RYR2: variants seen among roughly 807,000 people sequenced by gnomAD.
RYR2 encodes cardiac muscle ryanodine receptor-calcium release channel.
Under a neutral mutation model 601.1 loss-of-function variants are expected in RYR2, and 227 were observed. That is an observed-to-expected ratio of 0.38 (90% CI 0.34 to 0.42). RYR2 has a LOEUF of 0.42. RYR2 is among the 10% of genes least tolerant of loss of function. The pLI is 1.00. For missense variants in RYR2, 4,646 were observed against 6,156.5 expected (o/e 0.75, Z 8.21); for synonymous variants, 2,223 against 2,175.1 (o/e 1.02, Z -0.61).
intron 60 of RYR2, among the ~76,000 whole-genome samples, chr1:237,675,417 C>T (rs78222358): frequency 0.025 from 3,787 of 152,200 alleles, 163 homozygotes; most frequent in African/African-American, 0.086. Flanking sequence ...AAGCAGCCTC[C>T]GGTCACTTCT....
chr1:237,739,329 C>T (rs555345137), intron 79 of RYR2, among the ~76,000 whole-genome samples: 8 of 152,178 alleles, frequency 5.3e-5, no homozygotes, highest in Non-Finnish European at 7.4e-5. Context: ...TGCATCCCAT[C>T]GGTTTGCTGT....
chr1:237,101,413 GA>G (rs1384275777), intron 1 of RYR2, among the ~76,000 whole-genome samples: 1 of 151,194 alleles, frequency 6.6e-6, no homozygotes, highest in African/African-American at 2.4e-5. Flanking sequence ...CGCAGTGGTA[GA>G]TTTTTTTTTA....
chr1:237,484,368 G>A lies in RYR2; in HGVS notation c.1709-7438G>A, dbSNP rs557961456. Among the ~76,000 whole-genome samples, 26 of 152,222 alleles carry A rather than the reference G, an allele frequency of 1.7e-4. No homozygotes were observed. In the East Asian group the frequency reaches 4.6e-3, roughly 27 times the overall value. Reference sequence around the variant, plus strand: ...CCATAGATGAGAAACAGTACCATGGGGGGTGGGGCATGGTGGTTTCTAAGT... The same window carrying A: ...CCATAGATGAGAAACAGTACCATGGAGGGTGGGGCATGGTGGTTTCTAAGT... On this transcript the variant is annotated intron_variant, in intron 17 of 104. Transcript: ENST00000366574.
intron 38 of RYR2, among the ~76,000 whole-genome samples, chr1:237,618,216 C>A (rs1418772017): frequency 6.6e-6 from 1 of 151,296 alleles, no homozygotes; most frequent in African/African-American, 2.4e-5. Flanking sequence ...AATGTAATTT[C>A]TTTGAGGAAA....
chr1:237,098,996 C>T, intron 1 of RYR2, among the ~76,000 whole-genome samples: 1 of 152,166 alleles, frequency 6.6e-6, no homozygotes, highest in East Asian at 1.9e-4. Flanking sequence ...ATGAGGAGGG[C>T]TCAGACAACC....
chr1:237,111,590 TAAAAAAAAAA>T (rs71178394), intron 1 of RYR2, among the ~76,000 whole-genome samples: 1 of 119,988 alleles, frequency 8.3e-6, no homozygotes, highest in Non-Finnish European at 1.7e-5. Flanking sequence ...TCCGTCTCTT[TAAAAAAAAAA>T]AAAAAAAAAA....
intron 1 of RYR2, among the ~76,000 whole-genome samples, chr1:237,225,491 C>T (rs937418615): frequency 2.6e-5 from 4 of 152,242 alleles, no homozygotes; most frequent in East Asian, 1.9e-4. Context: ...GAGACTTACT[C>T]GCTACCATGA....
At position 237,235,465 on chromosome 1, in the gene RYR2, C is replaced by CATAA. The variant is rs552081404; in HGVS notation, c.49-35030_49-35029insAAAT. Among the ~76,000 whole-genome samples, 11 of 152,314 alleles carry CATAA rather than the reference C, an allele frequency of 7.2e-5. No homozygotes were observed. In the South Asian group the frequency reaches 1.7e-3, roughly 23 times the overall value. ...GGTTAGTTTTATGGTTTCTGTAAAC[C>CATAA]ATGGGAATGTTTCTCAAAGTGGTTC... On this transcript the variant is annotated intron_variant, in intron 1 of 104. Transcript: ENST00000366574.
chr1:237,482,314 T>C (rs1662201897), intron 17 of RYR2, among the ~76,000 whole-genome samples: 1 of 152,142 alleles, frequency 6.6e-6, no homozygotes, highest in Admixed American at 6.6e-5. Context: ...TTCTATTTTT[T>C]TGTACCCATC....
intron 1 of RYR2, among the ~76,000 whole-genome samples, chr1:237,155,606 G>A (rs939532045): frequency 2.0e-5 from 3 of 152,160 alleles, no homozygotes; most frequent in African/African-American, 7.2e-5. Flanking sequence ...AAACTTTCAC[G>A]AAATAATGTT....
chr1:237,546,367 T>C (rs372165047), intron 25 of RYR2, among the ~76,000 whole-genome samples: 5 of 152,290 alleles, frequency 3.3e-5, no homozygotes, highest in African/African-American at 1.2e-4. Flanking sequence ...ATAGATAAAT[T>C]ACTTTTTTGT....
intron 12 of RYR2, among the ~76,000 whole-genome samples, chr1:237,439,491 A>C (rs2927926): frequency 0.1 from 15,862 of 151,942 alleles, 2,150 homozygotes; most frequent in African/African-American, 0.31. Flanking sequence ...TAAAAATACA[A>C]AAATTAGCAG....
chr1:237,732,002 A>AT (rs748897323), intron 77 of RYR2, 44 bp from the exon 78 acceptor site: 3,790 of 1,231,358 alleles, frequency 3.1e-3, no homozygotes, highest in Non-Finnish European at 3.4e-3. Context: ...TTGAGTGAAC[A>AT]TTTTTTTTTA....
At chr1:237,235,901 A>G (rs570840113) in intron 1 of RYR2, among the ~76,000 whole-genome samples, 8 of 152,324 alleles carry the variant, frequency 5.3e-5, no homozygotes, top group Admixed American at 2.6e-4. Flanking sequence ...GTTAGCATTG[A>G]AAACAAGCCT....
chr1:237,732,498 G>A lies in RYR2; in HGVS notation c.11039+349G>A, dbSNP rs1304811153. On this transcript the variant is annotated intron_variant, in intron 78 of 104. Transcript: ENST00000366574. ...CCAGTGCCGCAAGTGTATGGAGACC[G>A]ATGGTGGCCCCAAATTTTCTGGGTA... 3.9e-5 allele frequency among the ~76,000 whole-genome samples: 6 copies of A among 152,134 alleles called. No homozygotes were observed. The East Asian group carries it at 5.8e-4, about 15-fold the overall frequency.
At chr1:237,372,391 C>T (rs1469085601) in intron 6 of RYR2, among the ~76,000 whole-genome samples, 1 of 152,134 alleles carries the variant, frequency 6.6e-6, no homozygotes, top group Non-Finnish European at 1.5e-5. Context: ...AGTGTCAGAT[C>T]AATAGTGAAT....
intron 1 of RYR2, among the ~76,000 whole-genome samples, chr1:237,130,864 T>C (rs1244295648): frequency 6.6e-6 from 1 of 152,184 alleles, no homozygotes; most frequent in South Asian, 2.1e-4. Context: ...CAGGGTCTTA[T>C]AGAAATCTAA....
At chr1:237,754,225 TA>T (rs1012762153) in intron 80 of RYR2, among the ~76,000 whole-genome samples, 2 of 151,668 alleles carry the variant, frequency 1.3e-5, no homozygotes, top group Non-Finnish European at 2.9e-5. Context: ...GATGCGATGT[TA>T]AAAAAAATGA....
At chr1:237,323,973 C>G (rs144735879) in intron 2 of RYR2, among the ~76,000 whole-genome samples, 10 of 152,068 alleles carry the variant, frequency 6.6e-5, no homozygotes, top group Non-Finnish European at 1.3e-4. Flanking sequence ...TAACCTCTGG[C>G]GCAAAGTGGG....
Sources: allele counts gnomAD v4.1 joint callset (sites outside exome capture counted in the v4.1 genomes callset), GRCh38; gene constraint gnomAD v4.1.1; transcripts MANE v1.5; gene names NCBI Gene and HGNC (gene_info 2026-07-23, HGNC 2026-07-21).